Variants in GRIK4 observed in about 807,000 individuals in gnomAD.
GRIK4 encodes the protein glutamate ionotropic receptor kainate type subunit 4.
In GRIK4, 40 loss-of-function variants were observed where a neutral mutation model predicts 104.9. The ratio of observed to expected loss-of-function variants is 0.38; its 90% CI spans 0.30 to 0.50. GRIK4 has a LOEUF of 0.50. Ranked by LOEUF, GRIK4 falls within the 20% of genes least tolerant of loss-of-function variation. The pLI is 0.93. For missense variants in GRIK4, 1,047 were observed against 1,308.1 expected (o/e 0.80, Z 3.08); for synonymous variants, 485 against 524.9 (o/e 0.92, Z 1.04).
At chr11:120,617,769 G>T (rs1162060412) in intron 1 of GRIK4, among the ~76,000 whole-genome samples, 2 of 152,162 alleles carry the variant, frequency 1.3e-5, no homozygotes, top group Non-Finnish European at 2.9e-5. Context: ...GGCCATGATT[G>T]TAAGTTTTCT....
chr11:120,796,599 G>A (rs1484873809), intron 3 of GRIK4, among the ~76,000 whole-genome samples: 1 of 152,112 alleles, frequency 6.6e-6, no homozygotes, highest in Non-Finnish European at 1.5e-5. Flanking sequence ...GCCCTGGTAG[G>A]GAAAGGGAGA....
chr11:120,659,298 T>A (rs933727888), intron 2 of GRIK4, among the ~76,000 whole-genome samples: 1 of 152,078 alleles, frequency 6.6e-6, no homozygotes, highest in Non-Finnish European at 1.5e-5. Context: ...GGGCTGGTTT[T>A]CAGCGGTAGT....
At chr11:120,695,877 A>G (rs922612469) in intron 3 of GRIK4, among the ~76,000 whole-genome samples, 1 of 152,190 alleles carries the variant, frequency 6.6e-6, no homozygotes, top group Non-Finnish European at 1.5e-5. Flanking sequence ...AATTGAAGGG[A>G]CAAGACCAGA....
At chr11:120,855,158 G>A (rs1268328173) in intron 8 of GRIK4, among the ~76,000 whole-genome samples, 1 of 152,190 alleles carries the variant, frequency 6.6e-6, no homozygotes, top group African/African-American at 2.4e-5. Flanking sequence ...GATTTTACTA[G>A]GGGCGGCTGA....
chr11:120,962,364 G>A (rs890203441), intron 17 of GRIK4, 92 bp from the exon 18 acceptor site: 15 of 778,712 alleles, frequency 1.9e-5, no homozygotes, highest in African/African-American at 1.2e-4. Context: ...CAGAAGGGCC[G>A]GCATCTTAAG....
intron 13 of GRIK4, among the ~76,000 whole-genome samples, chr11:120,931,177 T>C (rs1312859536): frequency 6.6e-6 from 1 of 152,218 alleles, no homozygotes; most frequent in Non-Finnish European, 1.5e-5. Context: ...GAACCCAGTT[T>C]GGCTTGGTGC....
At chr11:120,624,338 G>T (rs867833038) in intron 1 of GRIK4, among the ~76,000 whole-genome samples, 1 of 152,032 alleles carries the variant, frequency 6.6e-6, no homozygotes, top group Admixed American at 6.5e-5. Flanking sequence ...AGAAATATCT[G>T]AGTAGTGTTG....
Position 120,940,214 on chromosome 11 carries a change from C to T in GRIK4, c.1477-133C>T. ...CATTCAGATCTGTATGCAGTGTTGA[C>T]TTAGAGCCACTCCTCAAGCAAGAAG... On this transcript the variant is annotated intron_variant, in intron 13 of 20. Coordinates refer to ENST00000527524, the MANE Select transcript of GRIK4 (RefSeq NM_014619.5). This position sits in a 1 kb window ranked among gnomAD's most constrained non-coding sequence, Gnocchi z 4.3. The T allele has an allele frequency of 1.6e-6, 1 of 621,592 alleles. No individual in the cohort carries two copies. The allele number at this position is 621,592 out of a possible 1,614,324, so 38.5% of individuals were successfully genotyped here. A position where few individuals can be genotyped will look rare whatever the true frequency, so the allele number is the denominator to read the frequency against.
intron 3 of GRIK4, among the ~76,000 whole-genome samples, chr11:120,704,972 T>G (rs1950605797): frequency 6.6e-6 from 1 of 152,236 alleles, no homozygotes. Context: ...TAGTGAATAG[T>G]CTTAGCACTC....
chr11:120,767,478 A>AT (rs1366217424), intron 3 of GRIK4, among the ~76,000 whole-genome samples: 2 of 151,668 alleles, frequency 1.3e-5, no homozygotes, highest in Admixed American at 6.6e-5. Context: ...GTTTGCACAT[A>AT]TTTTTTTTCC....
chr11:120,642,124 T>A (rs1949478379), intron 1 of GRIK4, among the ~76,000 whole-genome samples: 1 of 152,208 alleles, frequency 6.6e-6, no homozygotes. Flanking sequence ...TGCACACAGC[T>A]ATGTCCCCAG....
intron 12 of GRIK4, among the ~76,000 whole-genome samples, chr11:120,899,629 C>G (rs575603510): frequency 6.6e-6 from 1 of 152,210 alleles, no homozygotes; most frequent in Admixed American, 6.5e-5. Context: ...TGGGATAAGT[C>G]AAGTGCATAC....
intron 13 of GRIK4, among the ~76,000 whole-genome samples, chr11:120,910,649 G>T (rs1406477202): frequency 1.1e-4 from 16 of 152,224 alleles, no homozygotes. Flanking sequence ...TCTGTCTCAT[G>T]CCAGTACATT....
intron 3 of GRIK4, among the ~76,000 whole-genome samples, chr11:120,693,547 T>C (rs1950399095): frequency 6.6e-6 from 1 of 152,200 alleles, no homozygotes; most frequent in Non-Finnish European, 1.5e-5. Flanking sequence ...TAAATATTTC[T>C]TGGGTACCTA....
chr11:120,689,247 G>A (rs747282026), intron 3 of GRIK4, among the ~76,000 whole-genome samples: 3 of 151,996 alleles, frequency 2.0e-5, no homozygotes, highest in South Asian at 2.1e-4. Flanking sequence ...TACCCTCGTC[G>A]AGCCTTCATA....
At chr11:120,650,492 C>T (rs553222175) in intron 1 of GRIK4, among the ~76,000 whole-genome samples, 1 of 152,328 alleles carries the variant, frequency 6.6e-6, no homozygotes, top group South Asian at 2.1e-4. Context: ...CCCTGCTCTT[C>T]GCATCCCCCC....
chr11:120,692,498 A>G (rs1224348158), intron 3 of GRIK4, among the ~76,000 whole-genome samples: 1 of 152,086 alleles, frequency 6.6e-6, no homozygotes, highest in Admixed American at 6.5e-5. Flanking sequence ...TGCACTGTGG[A>G]GCCCGGGGGT....
At chr11:120,730,571 CA>C (rs1951110254) in intron 3 of GRIK4, among the ~76,000 whole-genome samples, 2 of 121,250 alleles carry the variant, frequency 1.6e-5, no homozygotes, top group South Asian at 2.9e-4. Context: ...GTTCCATATA[CA>C]TTTTAGTTTT....
chr11:120,770,106 C>T lies in GRIK4; in HGVS notation c.83-32587C>T, dbSNP rs544792553. ...GAGTTCTGCAATTAGTCAGTTAGTC[C>T]GTAAGTAGTCATTGAAACACTTACT... On this transcript the variant is annotated intron_variant, in intron 3 of 20. Transcript: ENST00000527524. Among the ~76,000 whole-genome samples the T allele has an allele frequency of 5.2e-4, 79 of 152,222 alleles. 1 individual carries two copies. The South Asian group carries it at 0.013, about 26-fold the overall frequency.
Sources: gnomAD v4.1 joint callset for allele counts (sites outside exome capture counted in the v4.1 genomes callset) on GRCh38, gnomAD v4.1.1 for gene constraint, Gnocchi (gnomAD v3.1) non-coding constraint, MANE v1.5 for transcripts, NCBI Gene and HGNC (gene_info 2026-07-23, HGNC 2026-07-21) for gene names.